Variants in ZNF469 observed in about 807,000 individuals in gnomAD.
ZNF469 encodes zinc finger protein 469.
A neutral mutation model predicts 1.0 loss-of-function variants in ZNF469; 1 was observed. The observed-to-expected ratio is 1.00, with a 90% CI of 0.35 to 4.73. ZNF469 has a LOEUF of 4.73. Ranked by LOEUF, ZNF469 falls within the 30% of genes most tolerant of loss-of-function variation. The pLI is 0.16. For missense variants in ZNF469, 6,100 were observed against 5,356.3 expected, an observed-to-expected ratio of 1.14 and a Z score of -4.33; for synonymous variants, 2,703 against 2,363.4, an observed-to-expected ratio of 1.14 and a Z score of -4.17.
the ZNF469 span, among the ~76,000 whole-genome samples, chr16:88,299,548 G>T: frequency 3.3e-5 from 5 of 152,216 alleles, no homozygotes; most frequent in African/African-American, 1.2e-4. Flanking sequence ...GAGGCATGGG[G>T]CTGTGGCTTC....
chr16:88,190,394 C>T, the ZNF469 span, among the ~76,000 whole-genome samples: 49 of 152,394 alleles, frequency 3.2e-4, no homozygotes, highest in African/African-American at 1.2e-3. Context: ...CGGCACCACA[C>T]CAGGCACTCA....
At chr16:88,411,506 AAGCAGGCAGGGGTGCG>A (rs1184846172) in intron 1 of ZNF469, among the ~76,000 whole-genome samples, 1 of 13,840 alleles carries the variant, frequency 7.2e-5, no homozygotes, top group African/African-American at 1.4e-4. Context: ...GCAGGGGTGC[AAGCAGGCAGGGGTGCG>A]AGCGGGCAGG....
At chr16:88,306,372 G>T in the ZNF469 span, among the ~76,000 whole-genome samples, 1 of 152,254 alleles carries the variant, frequency 6.6e-6, no homozygotes, top group African/African-American at 2.4e-5. Context: ...TGGAGCTCTC[G>T]CACTAGCCTG....
intron 1 of ZNF469, among the ~76,000 whole-genome samples, chr16:88,421,006 G>A (rs1170062134): frequency 6.6e-6 from 1 of 152,234 alleles, no homozygotes; most frequent in African/African-American, 2.4e-5. Context: ...GGCCCCAGGA[G>A]GGGCTGGGAA....
At chr16:88,409,006 G>T (rs1162277728) in intron 1 of ZNF469, among the ~76,000 whole-genome samples, 1 of 152,236 alleles carries the variant, frequency 6.6e-6, no homozygotes, top group Non-Finnish European at 1.5e-5. Flanking sequence ...CTGAAGGTCA[G>T]CCCAGCAGGG....
the ZNF469 span, among the ~76,000 whole-genome samples, chr16:88,208,803 A>ACACTCTCTCT: frequency 8.1e-6 from 1 of 123,656 alleles, no homozygotes; most frequent in African/African-American, 3.1e-5. Context: ...ACACACACAC[A>ACACTCTCTCT]CTCTCTCTCT....
rs142589857 is a variant in ZNF469 at position 88,385,468 on chromosome 16, T to A, written c.-192+2214T>A. The stretch of plus-strand genomic sequence containing the variant: ...CTGGGCAACATAGTGAGACCCCATC[T>A]CTACTAAAAAAAAAATTGAAGTAAG... On this transcript the variant is annotated intron_variant, in intron 1 of 2. Coordinates refer to ENST00000565624, the MANE Select transcript of ZNF469 (RefSeq NM_001367624.2). Among the ~76,000 whole-genome samples, 1,034 of 151,946 alleles carry A rather than the reference T, an allele frequency of 6.8e-3. 14 individuals are homozygous for A. Among genetic ancestry groups the A allele is most frequent in the African/African-American group, 0.024 (985 of 41,428 alleles).
the ZNF469 span, among the ~76,000 whole-genome samples, chr16:88,110,659 C>T: frequency 2.4e-4 from 37 of 152,344 alleles, no homozygotes; most frequent in African/African-American, 7.9e-4. Context: ...AGAATCATAA[C>T]GTGGTCATTC....
chr16:88,138,462 C>T, the ZNF469 span, among the ~76,000 whole-genome samples: 2 of 152,202 alleles, frequency 1.3e-5, no homozygotes, highest in African/African-American at 4.8e-5. Context: ...AACACATAAA[C>T]CTCCTAATTT....
chr16:88,202,064 C>T, the ZNF469 span, among the ~76,000 whole-genome samples: 1 of 152,166 alleles, frequency 6.6e-6, no homozygotes, highest in African/African-American at 2.4e-5. Flanking sequence ...CCAGGAGTAG[C>T]CATGTTTCCA....
the ZNF469 span, among the ~76,000 whole-genome samples, chr16:88,134,739 T>C: frequency 6.6e-6 from 1 of 152,244 alleles, no homozygotes; most frequent in Non-Finnish European, 1.5e-5. Context: ...GCAGGTGGCC[T>C]GGGCCTCGAG....
At chr16:88,419,584 C>G (rs1905395798) in intron 1 of ZNF469, among the ~76,000 whole-genome samples, 1 of 152,126 alleles carries the variant, frequency 6.6e-6, no homozygotes, top group East Asian at 1.9e-4. Flanking sequence ...TGGGTGTGGA[C>G]AGCCTCCCTA....
At chr16:88,135,128 T>A in the ZNF469 span, among the ~76,000 whole-genome samples, 43 of 152,176 alleles carry the variant, frequency 2.8e-4, no homozygotes, top group Non-Finnish European at 5.3e-4. Context: ...CCTGCTGGCG[T>A]CTGGAACAGA....
At position 88,432,562 on chromosome 16, in the gene ZNF469, C is replaced by A. The variant is rs1210337322; in HGVS notation, c.5092C>A (p.Gln1698Lys). The A allele has an allele frequency of 6.4e-7, 1 of 1,550,412 alleles. No homozygotes were observed. Among genetic ancestry groups the A allele is most frequent in the Middle Eastern group, 1.7e-4 (1 of 5,992 alleles). ...AGCCAACTTCCATTTTCAGCCAGTGCAGAAAGCCGGAGCCTCCAAGACTGG... is the reference window on the plus strand; with the variant it reads ...AGCCAACTTCCATTTTCAGCCAGTGAAGAAAGCCGGAGCCTCCAAGACTGG... ...RGANFHFQPV[Q>K]KAGASKTGLC... Residue 1698 changes from glutamine (Q) to lysine (K), a missense_variant, in exon 3 of 3, where the codon CAG becomes AAG. By Grantham distance (53) the Gln-to-Lys change is moderately conservative (BLOSUM62 1). Coordinates refer to ENST00000565624, the MANE Select transcript of ZNF469 (RefSeq NM_001367624.2).
chr16:88,264,030 G>A, the ZNF469 span, among the ~76,000 whole-genome samples: 1 of 152,032 alleles, frequency 6.6e-6, no homozygotes. Context: ...CAGGCCCAGT[G>A]TCCACACCAC....
At chr16:88,403,420 G>T (rs1904938731) in intron 1 of ZNF469, among the ~76,000 whole-genome samples, 1 of 152,328 alleles carries the variant, frequency 6.6e-6, no homozygotes. Flanking sequence ...GACAGTGGTG[G>T]GATTGGGCAG....
chr16:88,355,979 C>T, the ZNF469 span, among the ~76,000 whole-genome samples: 11 of 152,150 alleles, frequency 7.2e-5, no homozygotes, highest in African/African-American at 1.2e-4. Context: ...GCCTGGCAGA[C>T]GTCCCATATG....
chr16:88,354,599 G>T, the ZNF469 span, among the ~76,000 whole-genome samples: 1 of 145,528 alleles, frequency 6.9e-6, no homozygotes, highest in Non-Finnish European at 1.5e-5. Context: ...GAAATAAGAG[G>T]GTGCGTGCGA....
the ZNF469 span, among the ~76,000 whole-genome samples, chr16:88,246,745 G>A: frequency 1.3e-5 from 2 of 152,226 alleles, no homozygotes; most frequent in African/African-American, 4.8e-5. Context: ...GTGACTGTGA[G>A]TGAGTGAGTG....
Sources: gnomAD v4.1 joint callset for allele counts (sites outside exome capture counted in the v4.1 genomes callset) on GRCh38, gnomAD v4.1.1 for gene constraint, MANE v1.5 for transcripts, NCBI Gene and HGNC (gene_info 2026-07-23, HGNC 2026-07-21) for gene names.